GFRA1: variants seen among roughly 807,000 people sequenced by gnomAD.
GFRA1 encodes the protein GDNF family receptor alpha 1.
GFRA1 carries 16 observed loss-of-function variants against 51.6 expected under a neutral mutation model. The ratio of observed to expected loss-of-function variants is 0.31; its 90% CI spans 0.21 to 0.47. GFRA1 has a LOEUF of 0.47. Among genes scored for constraint, GFRA1 ranks in the 20% least tolerant of loss-of-function variants. The pLI, the probability that GFRA1 is intolerant of heterozygous loss-of-function variation, is 1.00. For missense variants in GFRA1, 530 were observed against 594.3 expected, an observed-to-expected ratio of 0.89 and a Z score of 1.13; for synonymous variants, 270 against 241.3, an observed-to-expected ratio of 1.12 and a Z score of -1.10.
intron 6 of GFRA1, among the ~76,000 whole-genome samples, chr10:116,105,540 C>G (rs73367248): frequency 6.6e-6 from 1 of 152,118 alleles, no homozygotes; most frequent in African/African-American, 2.4e-5. Flanking sequence ...TAATTATTTA[C>G]GCACACCCTG....
At chr10:116,088,540 G>A (rs953083627) in intron 9 of GFRA1, among the ~76,000 whole-genome samples, 6 of 152,090 alleles carry the variant, frequency 3.9e-5, no homozygotes, top group African/African-American at 1.4e-4. Flanking sequence ...CTGAGCCCCC[G>A]TGTCCTCAAA....
chr10:116,222,252 G>A (rs1469686413), intron 4 of GFRA1, among the ~76,000 whole-genome samples: 2 of 152,124 alleles, frequency 1.3e-5, no homozygotes, highest in Admixed American at 6.5e-5. Context: ...AGGCTGGAGT[G>A]CAGCAGCGTG....
In GFRA1 at chr10:116,233,341, A is replaced by AT. The variant is rs373749163; in HGVS notation, c.419-21697dup. Among the ~76,000 whole-genome samples the AT allele has an allele frequency of 2.5e-3, 379 of 151,450 alleles. 2 individuals are homozygous for AT. The highest frequency in any genetic ancestry group is 8.4e-3 in the African/African-American group (347 of 41,286). ...AGACTCCATCTCAAAAAAAAAAAAA[A>AT]TTTTTTAATTGAGTTAATCAGCTTT... is the stretch of plus-strand genomic sequence containing the variant. On this transcript the variant is annotated intron_variant, in intron 4 of 10. Transcript: ENST00000355422.
chr10:116,195,615 C>A (rs1963668161), intron 5 of GFRA1, among the ~76,000 whole-genome samples: 2 of 152,166 alleles, frequency 1.3e-5, no homozygotes, highest in African/African-American at 2.4e-5. Flanking sequence ...GCCGGTCACT[C>A]ACCTCCTGCT....
chr10:116,236,458 C>G (rs1966881180), intron 4 of GFRA1, among the ~76,000 whole-genome samples: 2 of 152,040 alleles, frequency 1.3e-5, no homozygotes, highest in African/African-American at 2.4e-5. Context: ...GAACAAAACA[C>G]TGTGAATAAG....
At chr10:116,214,080 C>T (rs1194126062) in intron 4 of GFRA1, among the ~76,000 whole-genome samples, 3 of 151,168 alleles carry the variant, frequency 2.0e-5, no homozygotes, top group Non-Finnish European at 2.9e-5. Flanking sequence ...CTGTGAGAAC[C>T]GTGTACAGCT....
In GFRA1 at chr10:116,110,501, T is replaced by A. The variant is rs1217740930; in HGVS notation, c.771-13737A>T. On this transcript the variant is annotated intron_variant, in intron 6 of 10. Transcript: ENST00000355422. ...CATGCACAGGCAGTATTTGGTGGCA[T>A]CTCTTATACACCAGAACACACCCCT... is the stretch of plus-strand genomic sequence containing the variant. Among the ~76,000 whole-genome samples the A allele has an allele frequency of 3.9e-5, 6 of 152,126 alleles. No homozygotes were observed. The East Asian group carries it at 1.2e-3, about 29-fold the overall frequency.
chr10:116,211,035 T>C (rs1298075816), intron 5 of GFRA1, among the ~76,000 whole-genome samples: 1 of 152,156 alleles, frequency 6.6e-6, no homozygotes, highest in Non-Finnish European at 1.5e-5. Flanking sequence ...AATGTGGGGT[T>C]AGGATTTCAC....
chr10:116,059,293 A>T lies in GFRA1; in HGVS notation c.*5105T>A, dbSNP rs1239638650. 1 of 152,234 alleles carries T rather than the reference A, an allele frequency of 6.6e-6. No individual in the cohort carries two copies. 9.4% of individuals were successfully genotyped at this position (152,234 alleles called of 1,614,324 possible). A position where few individuals can be genotyped will look rare whatever the true frequency, so the allele number is the denominator to read the frequency against. ...GCAAGAGATGTTCAAACTAAGTAAG[A>T]GTCTAAAGATCTCTGGCCAGTCTCC... is the stretch of plus-strand genomic sequence containing the variant. On this transcript the variant is annotated 3_prime_UTR_variant, in exon 11 of 11. Transcript: ENST00000355422.
At chr10:116,274,613 G>T (rs1844151518), upstream of GFRA1, among the ~76,000 whole-genome samples, 1 of 152,030 alleles carries the variant, frequency 6.6e-6, no homozygotes, top group Non-Finnish European at 1.5e-5. Flanking sequence ...CGCCAAAGAG[G>T]GTCTGCGCCT....
chr10:116,157,179 T>C (rs555751358), intron 5 of GFRA1, among the ~76,000 whole-genome samples: 7 of 152,316 alleles, frequency 4.6e-5, no homozygotes, highest in Admixed American at 1.3e-4. Context: ...CATTTGTGAG[T>C]GGACAGTGAA....
rs1954986530 is a variant in GFRA1, at chr10:116,064,279, G to A, written c.*119C>T. The A allele has an allele frequency of 2.4e-6, 2 of 843,814 alleles. No homozygotes were observed. Among genetic ancestry groups the A allele is most frequent in the Non-Finnish European group, 1.9e-6 (1 of 522,490 alleles). 52.3% of individuals were successfully genotyped at this position (843,814 alleles called of 1,614,324 possible). Reference sequence around the variant, plus strand: ...AGGAAAAAAAAAAAATGTTCCAGTTGAATGGAACTGTTTCTCAACTGAGCT... The same window carrying A: ...AGGAAAAAAAAAAAATGTTCCAGTTAAATGGAACTGTTTCTCAACTGAGCT... On this transcript the variant is annotated 3_prime_UTR_variant, in exon 11 of 11. Coordinates refer to ENST00000355422, the MANE Select transcript of GFRA1 (RefSeq NM_005264.8).
chr10:116,203,080 G>A (rs567969926), intron 5 of GFRA1, among the ~76,000 whole-genome samples: 3 of 152,194 alleles, frequency 2.0e-5, no homozygotes, highest in African/African-American at 4.8e-5. Context: ...ATCAGGGCTC[G>A]AGGAGGTCTG....
intron 6 of GFRA1, among the ~76,000 whole-genome samples, chr10:116,097,808 T>G (rs1349226182): frequency 6.6e-6 from 1 of 152,176 alleles, no homozygotes; most frequent in Non-Finnish European, 1.5e-5. Context: ...ACCAGAGCTG[T>G]TTTACTTCTT....
chr10:116,126,614 T>C (rs1957888417), intron 5 of GFRA1, among the ~76,000 whole-genome samples: 2 of 152,250 alleles, frequency 1.3e-5, no homozygotes, highest in Non-Finnish European at 2.9e-5. Context: ...GTAGTGATGA[T>C]GAGGTGTAGT....
At chr10:116,183,119 G>A (rs1962389453) in intron 5 of GFRA1, among the ~76,000 whole-genome samples, 1 of 152,150 alleles carries the variant, frequency 6.6e-6, no homozygotes. Context: ...TTCCTCAGAG[G>A]GAACAAGTAC....
chr10:116,109,433 G>A (rs2694801), intron 6 of GFRA1, among the ~76,000 whole-genome samples: 26,901 of 152,108 alleles, frequency 0.18, 2,429 homozygotes, highest in Middle Eastern at 0.23. Context: ...TTGGTTAATA[G>A]CGCTTGTAGC....
chr10:116,257,396 T>C (rs888551428), intron 4 of GFRA1, among the ~76,000 whole-genome samples: 3 of 150,454 alleles, frequency 2.0e-5, no homozygotes, highest in Non-Finnish European at 4.4e-5. Context: ...ACCTAAATGC[T>C]GGGCTCTGTG....
intron 6 of GFRA1, among the ~76,000 whole-genome samples, chr10:116,099,966 T>G (rs1409814584): frequency 6.6e-6 from 1 of 152,206 alleles, no homozygotes; most frequent in Non-Finnish European, 1.5e-5. Flanking sequence ...AAACCAAGGC[T>G]TAGTGAGGTT....
Sources: gnomAD v4.1 joint callset for allele counts (sites outside exome capture counted in the v4.1 genomes callset) on GRCh38, gnomAD v4.1.1 for gene constraint, MANE v1.5 for transcripts, NCBI Gene and HGNC (gene_info 2026-07-23, HGNC 2026-07-21) for gene names.